NKAIN3: variants seen among roughly 807,000 people sequenced by gnomAD.
NKAIN3 encodes the protein sodium/potassium-transporting ATPase subunit beta-1-interacting protein 3.
In NKAIN3, 25 loss-of-function variants were observed where a neutral mutation model predicts 30.2. That is an observed-to-expected ratio of 0.83 (90% CI 0.60 to 1.16). The LOEUF (loss-of-function observed/expected upper bound fraction) is 1.16, where lower values mean the gene tolerates loss of function less well. Ranked by LOEUF, NKAIN3 falls within the 50% of genes most tolerant of loss-of-function variation. The pLI is 0.00. For synonymous variants in NKAIN3, 91 were observed against 89.6 expected (o/e 1.02, Z -0.09); for missense variants, 225 against 254.1 (o/e 0.89, Z 0.78).
chr8:62,410,111 C>G (rs1804195581), intron 1 of NKAIN3, among the ~76,000 whole-genome samples: 1 of 152,038 alleles, frequency 6.6e-6, no homozygotes, highest in Admixed American at 6.6e-5. Flanking sequence ...CCTCCCTTCC[C>G]CCTCTGTAGT....
chr8:62,414,713 G>A (rs547347248), intron 1 of NKAIN3, among the ~76,000 whole-genome samples: 2 of 152,058 alleles, frequency 1.3e-5, no homozygotes, highest in East Asian at 3.9e-4. Context: ...TTTGTTTCAG[G>A]GTCTTAGTCA....
At chr8:62,990,160 AT>A (rs1448722749) in intron 5 of NKAIN3, 2 of 1,199,918 alleles carry the variant, frequency 1.7e-6, no homozygotes, top group South Asian at 2.9e-5. Context: ...CTTATTTTTT[AT>A]TCTCAGATTC....
At chr8:62,594,849 C>G (rs1328540761) in intron 3 of NKAIN3, among the ~76,000 whole-genome samples, 1 of 149,378 alleles carries the variant, frequency 6.7e-6, no homozygotes, top group Non-Finnish European at 1.5e-5. Flanking sequence ...CTTTCCTTTC[C>G]TTTCCCTTCT....
At chr8:62,907,160 C>A (rs1162674589) in intron 4 of NKAIN3, among the ~76,000 whole-genome samples, 1 of 152,064 alleles carries the variant, frequency 6.6e-6, no homozygotes, top group Non-Finnish European at 1.5e-5. Context: ...GGCATTTTGC[C>A]CCTGCCCTAG....
intron 4 of NKAIN3, among the ~76,000 whole-genome samples, chr8:62,878,012 C>A (rs1323308184): frequency 7.2e-6 from 1 of 139,338 alleles, no homozygotes; most frequent in African/African-American, 2.9e-5. Context: ...TGCACTCCAG[C>A]CTGGGCAACA....
In NKAIN3 at chr8:62,540,154, C is replaced by T. The variant is rs183354288; in HGVS notation, c.55-39385C>T. Reference sequence around the variant, plus strand: ...CTCTGTCTCCCATTCCTAATTTCTGCTCTCAAAAGGAAACAATTTACAACT... The same window carrying T: ...CTCTGTCTCCCATTCCTAATTTCTGTTCTCAAAAGGAAACAATTTACAACT... On this transcript the variant is annotated intron_variant, in intron 1 of 6. Coordinates refer to ENST00000623646, the MANE Select transcript of NKAIN3 (RefSeq NM_001304533.3). 2.9e-3 allele frequency among the ~76,000 whole-genome samples: 438 copies of T among 152,262 alleles called. 1 individual carries two copies. The highest frequency in any genetic ancestry group is 5.2e-3 in the Non-Finnish European group (355 of 68,012).
chr8:62,395,581 A>G (rs1817729996), intron 1 of NKAIN3, among the ~76,000 whole-genome samples: 1 of 152,238 alleles, frequency 6.6e-6, no homozygotes, highest in Non-Finnish European at 1.5e-5. Context: ...TATTTTTTGT[A>G]GATGCTTATG....
chr8:62,404,595 G>A (rs146897846), intron 1 of NKAIN3, among the ~76,000 whole-genome samples: 379 of 152,234 alleles, frequency 2.5e-3, no homozygotes, highest in African/African-American at 4.8e-3. Context: ...GAAAGGACAC[G>A]TTTGCTTCTT....
downstream of NKAIN3, among the ~76,000 whole-genome samples, chr8:62,985,587 A>G (rs4737623): frequency 0.25 from 37,773 of 152,080 alleles, 5,430 homozygotes; most frequent in African/African-American, 0.4. Flanking sequence ...TCTCCACAAA[A>G]ATTATTTAAA....
chr8:62,291,049 A>G (rs1188058249), intron 1 of NKAIN3, among the ~76,000 whole-genome samples: 1 of 152,084 alleles, frequency 6.6e-6, no homozygotes, highest in Admixed American at 6.6e-5. Flanking sequence ...GTATTCTGTG[A>G]TGGTAGTTTG....
At chr8:62,716,971 A>C (rs757151248) in intron 3 of NKAIN3, among the ~76,000 whole-genome samples, 1 of 152,158 alleles carries the variant, frequency 6.6e-6, no homozygotes. Context: ...CCTAAACATT[A>C]ACATTTGTTA....
intron 1 of NKAIN3, among the ~76,000 whole-genome samples, chr8:62,249,806 T>C (rs949184304): frequency 6.6e-6 from 1 of 152,168 alleles, no homozygotes; most frequent in Non-Finnish European, 1.5e-5. Context: ...ACCGGCTCCA[T>C]TGGCGCGGTG....
intron 1 of NKAIN3, among the ~76,000 whole-genome samples, chr8:62,507,465 A>G (rs951410777): frequency 3.3e-5 from 5 of 152,176 alleles, no homozygotes; most frequent in South Asian, 2.1e-4. Context: ...GCCTCATACT[A>G]CAATTGTTCA....
chr8:62,572,429 G>T (rs1809973609), intron 1 of NKAIN3, among the ~76,000 whole-genome samples: 1 of 152,162 alleles, frequency 6.6e-6, no homozygotes, highest in Non-Finnish European at 1.5e-5. Flanking sequence ...GTTCTTTTGA[G>T]CCCTCCAAAC....
chr8:62,415,052 T>C (rs201832031), intron 1 of NKAIN3, among the ~76,000 whole-genome samples: 27 of 135,030 alleles, frequency 2.0e-4, no homozygotes, highest in African/African-American at 5.3e-4. Flanking sequence ...TATATATATA[T>C]ACTATATTAT....
intron 3 of NKAIN3, among the ~76,000 whole-genome samples, chr8:62,654,740 C>G (rs1263845996): frequency 6.6e-6 from 1 of 152,044 alleles, no homozygotes; most frequent in African/African-American, 2.4e-5. Flanking sequence ...CAAAAATTTA[C>G]CACACATACA....
intron 6 of NKAIN3, among the ~76,000 whole-genome samples, chr8:62,954,734 A>G (rs1007354345): frequency 1.3e-5 from 2 of 152,226 alleles, no homozygotes; most frequent in Non-Finnish European, 2.9e-5. Flanking sequence ...ACCACTTTGC[A>G]TATATTATCT....
chr8:62,319,507 G>T (rs998548860), intron 1 of NKAIN3, among the ~76,000 whole-genome samples: 2 of 151,902 alleles, frequency 1.3e-5, no homozygotes, highest in African/African-American at 4.8e-5. Context: ...CTTTATATGT[G>T]TCCCAGAGAT....
chr8:62,759,461 G>C (rs1380366596), intron 4 of NKAIN3, among the ~76,000 whole-genome samples: 1 of 140,624 alleles, frequency 7.1e-6, no homozygotes, highest in African/African-American at 2.7e-5. Flanking sequence ...AAGATTTAGA[G>C]TCAGAACAGT....
Sources: gnomAD v4.1 joint callset for allele counts (sites outside exome capture counted in the v4.1 genomes callset) on GRCh38, gnomAD v4.1.1 for gene constraint, MANE v1.5 for transcripts, NCBI Gene and HGNC (gene_info 2026-07-23, HGNC 2026-07-21) for gene names.